The following HERC3 variants were observed in gnomAD, a reference collection of about 807,000 sequenced individuals.
The protein encoded by HERC3 is probable E3 ubiquitin-protein ligase HERC3.
HERC3 carries 58 observed loss-of-function variants against 129.9 expected under a neutral mutation model. The observed-to-expected ratio is 0.45, with a 90% CI of 0.36 to 0.56. The LOEUF (loss-of-function observed/expected upper bound fraction) is 0.56. HERC3 is among the 20% of genes least tolerant of loss of function. The probability of loss-of-function intolerance (pLI) is 0.00; values close to 1 mark genes in which losing one functional copy is unlikely to be tolerated. For synonymous variants in HERC3, 430 were observed against 451.0 expected (o/e 0.95, Z 0.59); for missense variants, 835 against 1,244.2 (o/e 0.67, Z 4.95).
intron 9 of HERC3, 30 bp downstream of exon 9, chr4:88,656,065 G>A: frequency 6.2e-7 from 1 of 1,605,186 alleles, no homozygotes; most frequent in East Asian, 2.2e-5. Context: ...GAATTTAAAG[G>A]TATTTTAAGT....
intron 11 of HERC3, among the ~76,000 whole-genome samples, chr4:88,663,014 C>A (rs762702114): frequency 0.011 from 1,705 of 148,550 alleles, 13 homozygotes; most frequent in Non-Finnish European, 0.018. Context: ...AAAAAAAAAA[C>A]AACAGTAAGT....
the HERC3 span, among the ~76,000 whole-genome samples, chr4:88,545,557 C>T: frequency 3.3e-5 from 5 of 150,092 alleles, no homozygotes; most frequent in African/African-American, 4.9e-5. Flanking sequence ...TTCAGCATTT[C>T]GAGAATTCTT....
At chr4:88,531,958 GC>G in the HERC3 span, among the ~76,000 whole-genome samples, 2 of 152,122 alleles carry the variant, frequency 1.3e-5, no homozygotes, top group Non-Finnish European at 2.9e-5. Context: ...TCCAGAAGCA[GC>G]CCCCTGTTTC....
chr4:88,691,654 A>T (rs941435862), intron 23 of HERC3, among the ~76,000 whole-genome samples: 4 of 151,788 alleles, frequency 2.6e-5, no homozygotes, highest in Non-Finnish European at 5.9e-5. Flanking sequence ...ACATGAATGA[A>T]TTTTTTTTTC....
At chr4:88,640,911 T>C (rs1333757903) in intron 3 of HERC3, among the ~76,000 whole-genome samples, 1 of 152,152 alleles carries the variant, frequency 6.6e-6, no homozygotes, top group Admixed American at 6.5e-5. Flanking sequence ...TAAATAGAAC[T>C]AATAGAACAT....
chr4:88,691,590 G>A (rs1734082599), intron 23 of HERC3, among the ~76,000 whole-genome samples: 1 of 152,140 alleles, frequency 6.6e-6, no homozygotes, highest in Admixed American at 6.5e-5. Flanking sequence ...CCCATTCATG[G>A]TTACTGCTGT....
At chr4:88,567,349 G>A in the HERC3 span, among the ~76,000 whole-genome samples, 4 of 152,042 alleles carry the variant, frequency 2.6e-5, no homozygotes, top group South Asian at 8.3e-4. Context: ...AAGGTTCTCC[G>A]TTATTAGCCC....
chr4:88,605,915 T>A lies in HERC3; in HGVS notation c.92T>A (p.Ile31Lys). Residue 31 changes from isoleucine to lysine, a missense_variant, in exon 3 of 26, where the codon ATA becomes AAA. Transcript: ENST00000402738. ...GCTGAGCCCCAGGTGTGTGGGTTCATATCTGACAGAAGTGTCAAGGAAGTG... is the reference window on the plus strand; with the variant it reads ...GCTGAGCCCCAGGTGTGTGGGTTCAAATCTGACAGAAGTGTCAAGGAAGTG... ...IVAEPQVCGFISDRSVKEVAC... is the reference protein window; with the variant it reads ...IVAEPQVCGFKSDRSVKEVAC... 1.2e-6 allele frequency: 2 copies of A among 1,614,204 alleles called. No homozygotes were observed. Among genetic ancestry groups the A allele is most frequent in the Non-Finnish European group, 1.7e-6 (2 of 1,180,038 alleles).
chr4:88,693,497 A>G (rs1734282208), intron 23 of HERC3: 3 of 975,270 alleles, frequency 3.1e-6, no homozygotes, highest in Admixed American at 6.2e-5. Context: ...CACAGTATTG[A>G]TCTATTTTAC....
At chr4:88,625,326 C>T (rs1030643023) in intron 3 of HERC3, among the ~76,000 whole-genome samples, 1 of 152,126 alleles carries the variant, frequency 6.6e-6, no homozygotes, top group African/African-American at 2.4e-5. Context: ...GATTCATGAA[C>T]ATGGTGTGTC....
At chr4:88,680,985 C>T in intron 20 of HERC3, 174 bp from the exon 21 acceptor site, 1 of 979,716 alleles carries the variant, frequency 1.0e-6, no homozygotes, top group Non-Finnish European at 1.2e-6. Flanking sequence ...GTCTACATTG[C>T]ATCTTTAAGG....
intron 21 of HERC3, among the ~76,000 whole-genome samples, chr4:88,684,270 T>C (rs1429957946): frequency 6.6e-6 from 1 of 152,072 alleles, no homozygotes; most frequent in Admixed American, 6.6e-5. Context: ...AAAACAGATA[T>C]ATAGACCAAT....
chr4:88,679,062 G>T (rs1206785845), intron 19 of HERC3, among the ~76,000 whole-genome samples: 1 of 152,182 alleles, frequency 6.6e-6, no homozygotes. Context: ...ACAGCCACAA[G>T]TGTAAGCTTT....
the HERC3 span, among the ~76,000 whole-genome samples, chr4:88,553,824 C>T: frequency 6.6e-6 from 1 of 152,230 alleles, no homozygotes; most frequent in South Asian, 2.1e-4. Flanking sequence ...GCATGAGCCA[C>T]TGCGCGGCCA....
chr4:88,564,925 CT>C, the HERC3 span, among the ~76,000 whole-genome samples: 1 of 151,632 alleles, frequency 6.6e-6, no homozygotes, highest in African/African-American at 2.4e-5. Context: ...GTTCTGTTTC[CT>C]TTTTTATGTT....
rs1560726333 is a variant in HERC3, at chr4:88,655,928, G to A, written c.962G>A (p.Cys321Tyr). The change falls in exon 9 of 26, where the codon TGT (cysteine) becomes TAT (tyrosine). Residue 321 changes from cysteine (C) to tyrosine (Y), a missense_variant. Coordinates refer to ENST00000402738, the MANE Select transcript of HERC3 (RefSeq NM_014606.3). ...PSSGLIYAFG[C>Y]GARGQLGTGH... ...TCTGGACTCATCTATGCATTTGGTTGTGGAGCAAGAGGTCAATTAGGAACT... is the reference window on the plus strand; with the variant it reads ...TCTGGACTCATCTATGCATTTGGTTATGGAGCAAGAGGTCAATTAGGAACT... The A allele has an allele frequency of 1.9e-6, 3 of 1,614,126 alleles. No homozygotes were observed. Among genetic ancestry groups the A allele is most frequent in the Non-Finnish European group, 2.5e-6 (3 of 1,179,958 alleles).
chr4:88,584,653 A>G, the HERC3 span, among the ~76,000 whole-genome samples: 1 of 152,196 alleles, frequency 6.6e-6, no homozygotes, highest in Non-Finnish European at 1.5e-5. Context: ...CTTCCACCAC[A>G]TGAGGACACA....
chr4:88,689,523 C>T (rs1355694980), intron 23 of HERC3, among the ~76,000 whole-genome samples: 4 of 128,428 alleles, frequency 3.1e-5, no homozygotes, highest in South Asian at 2.8e-4. Flanking sequence ...CATCTCCCCC[C>T]GCCCCCGCCA....
chr4:88,527,599 G>T, the HERC3 span: 1 of 222,228 alleles, frequency 4.5e-6, no homozygotes, highest in South Asian at 6.1e-5. Flanking sequence ...TGCAGTTATG[G>T]GGATGTACCC....
Sources: gnomAD v4.1 joint callset for allele counts (sites outside exome capture counted in the v4.1 genomes callset) on GRCh38, gnomAD v4.1.1 for gene constraint, MANE v1.5 for transcripts, NCBI Gene and HGNC (gene_info 2026-07-23, HGNC 2026-07-21) for gene names.